Variants in RBBP8 observed in about 807,000 individuals in gnomAD.
RBBP8 encodes DNA endonuclease RBBP8.
Under a neutral mutation model 108.3 loss-of-function variants are expected in RBBP8, and 88 were observed. The observed-to-expected ratio is 0.81, with a 90% CI of 0.68 to 0.97. RBBP8 has a LOEUF of 0.97. Ranked by LOEUF, RBBP8 falls within the 50% of genes least tolerant of loss-of-function variation. The pLI, the probability that RBBP8 is intolerant of heterozygous loss-of-function variation, is 0.00. For missense variants in RBBP8, 1,023 were observed against 1,049.0 expected (o/e 0.98, Z 0.34); for synonymous variants, 332 against 348.2 (o/e 0.95, Z 0.52).
At chr18:23,006,243 C>T (rs1284597984) in intron 15 of RBBP8, 120 bp from the exon 16 acceptor site, 7 of 844,876 alleles carry the variant, frequency 8.3e-6, no homozygotes, top group Admixed American at 6.1e-5. Flanking sequence ...TGCTCAGAGG[C>T]CTGGAGCATG....
chr18:22,997,847 C>T (rs1415721387), intron 14 of RBBP8, 113 bp downstream of exon 14: 11 of 774,332 alleles, frequency 1.4e-5, no homozygotes, highest in African/African-American at 3.5e-5. Context: ...CAGGTTTTTT[C>T]CTGCTCTGTT....
upstream of RBBP8, among the ~76,000 whole-genome samples, chr18:22,930,541 T>TA (rs1909985213): frequency 6.6e-6 from 1 of 152,204 alleles, no homozygotes; most frequent in Non-Finnish European, 1.5e-5. Context: ...ATGTGGTTCT[T>TA]AAAGCTTTAG....
chr18:22,991,442 A>G (rs769490526), intron 10 of RBBP8, among the ~76,000 whole-genome samples: 1 of 152,204 alleles, frequency 6.6e-6, no homozygotes, highest in Non-Finnish European at 1.5e-5. Flanking sequence ...CAGAATACCT[A>G]TTAACTAATA....
At chr18:22,923,604 T>C (rs866190622) in intron 3 of RBBP8, among the ~76,000 whole-genome samples, 2 of 152,334 alleles carry the variant, frequency 1.3e-5, no homozygotes, top group Middle Eastern at 6.8e-3. Flanking sequence ...ATGCAGATAA[T>C]CAGAGATAGG....
chr18:23,006,458 C>G (rs749817907), intron 16 of RBBP8, 26 bp downstream of exon 16: 2 of 1,526,456 alleles, frequency 1.3e-6, no homozygotes, highest in Non-Finnish European at 1.8e-6. Flanking sequence ...TTTATACCAG[C>G]AATGTGACTG....
In RBBP8 at chr18:23,022,654, A is replaced by AAT. The variant is rs1491372101; in HGVS notation, c.2596+385_2596+386insTA. ...AAATAAAATAAATAAAATACAATAT[A>AAT]AAATAAAATAAAATAAATAACTGTA... is the stretch of plus-strand genomic sequence containing the variant. On this transcript the variant is annotated intron_variant, in intron 18 of 18. Coordinates refer to ENST00000327155, the MANE Select transcript of RBBP8 (RefSeq NM_002894.3). Among the ~76,000 whole-genome samples, 26 of 43,442 alleles carry AAT rather than the reference A, an allele frequency of 6.0e-4. 1 individual carries two copies. The highest frequency in any genetic ancestry group is 1.8e-3 in the South Asian group (2 of 1,082). 28.5% of individuals were successfully genotyped at this position (43,442 alleles called of 152,430 possible).
At chr18:22,994,607 A>G (rs888695117) in intron 12 of RBBP8, among the ~76,000 whole-genome samples, 4 of 149,478 alleles carry the variant, frequency 2.7e-5, no homozygotes, top group Non-Finnish European at 5.9e-5. Context: ...GTGCCACTGC[A>G]CTGCACTCCA....
intron 2 of RBBP8, 91 bp downstream of exon 2, chr18:22,937,051 C>G (rs994857382): frequency 6.4e-7 from 1 of 1,565,408 alleles, no homozygotes; most frequent in Non-Finnish European, 8.6e-7. Flanking sequence ...TTTATTATTT[C>G]TATTTCAGCT....
At chr18:23,016,448 G>A (rs1194964979) in intron 16 of RBBP8, among the ~76,000 whole-genome samples, 2 of 152,082 alleles carry the variant, frequency 1.3e-5, no homozygotes, top group African/African-American at 4.8e-5. Flanking sequence ...GAAGGCTGAG[G>A]CACAAGAGTC....
chr18:22,927,115 T>A (rs1250399493), intron 3 of RBBP8, among the ~76,000 whole-genome samples: 1 of 152,216 alleles, frequency 6.6e-6, no homozygotes, highest in Non-Finnish European at 1.5e-5. Flanking sequence ...ACTTTTCTTT[T>A]GTCTTAAAGT....
intron 3 of RBBP8, among the ~76,000 whole-genome samples, chr18:22,923,008 C>T (rs572054681): frequency 2.0e-5 from 3 of 152,262 alleles, no homozygotes; most frequent in African/African-American, 7.2e-5. Context: ...AAATCTTTCA[C>T]AATTTGCCTA....
chr18:22,937,066 G>C lies in RBBP8; in HGVS notation c.109+106G>C, dbSNP rs189666519. The C allele has an allele frequency of 0.02, 31,448 of 1,534,148 alleles. 407 individuals carry two copies. The highest frequency in any genetic ancestry group is 0.025 in the Non-Finnish European group (28,468 of 1,142,876). On this transcript the variant is annotated intron_variant, in intron 2 of 18. Transcript: ENST00000327155. ...TTTATTATTTCTATTTCAGCTTTTA[G>C]GTTCCGGGGGTACATGTGCAGATTT...
At chr18:22,942,313 G>A (rs1911158545) in intron 2 of RBBP8, among the ~76,000 whole-genome samples, 1 of 152,094 alleles carries the variant, frequency 6.6e-6, no homozygotes, top group South Asian at 2.1e-4. Context: ...GAATCTGAAT[G>A]CTCTGCTACA....
In RBBP8 at chr18:23,022,249, A is replaced by T; in HGVS notation, c.2575A>T (p.Thr859Ser). ...TTTTTGGGAAGTTGGTTTTCCTTCC[A>T]CTCAGACTTGTATGGAAAGAGGTGA... The part of the protein sequence containing the change: ...ENFWEVGFPS[T>S]QTCMERGYIK... Residue 859 changes from threonine (T) to serine (S), a missense_variant, in exon 18 of 19, where the codon ACT (threonine) becomes TCT (serine). Transcript: ENST00000327155. The T allele has an allele frequency of 6.2e-7, 1 of 1,611,464 alleles. No homozygotes were observed. Among genetic ancestry groups the T allele is most frequent in the East Asian group, 2.2e-5 (1 of 44,866 alleles).
intron 17 of RBBP8, 122 bp downstream of exon 17, chr18:23,017,046 G>A (rs900338434): frequency 5.7e-5 from 45 of 789,872 alleles, no homozygotes; most frequent in South Asian, 1.0e-4. Context: ...TGAGCCAGGC[G>A]TAACAGCAGG....
chr18:22,942,349 T>C (rs1183221532), intron 2 of RBBP8, among the ~76,000 whole-genome samples: 1 of 152,088 alleles, frequency 6.6e-6, no homozygotes, highest in Admixed American at 6.5e-5. Flanking sequence ...TTTTGCCTCT[T>C]TTGCCAAAAC....
At chr18:22,964,688 G>C (rs1902920) in intron 4 of RBBP8, among the ~76,000 whole-genome samples, 103,994 of 151,276 alleles carry the variant, frequency 0.69, 36,416 homozygotes, top group Middle Eastern at 0.85. Context: ...GACAGGATCT[G>C]ACTATGTTGC....
At chr18:22,985,758 T>A (rs1247308139) in intron 8 of RBBP8, among the ~76,000 whole-genome samples, 1 of 151,840 alleles carries the variant, frequency 6.6e-6, no homozygotes, top group Non-Finnish European at 1.5e-5. Flanking sequence ...GATTCATGAG[T>A]AGATGTGAGT....
At chr18:22,965,229 G>A (rs1046902463) in intron 4 of RBBP8, among the ~76,000 whole-genome samples, 38 of 151,414 alleles carry the variant, frequency 2.5e-4, no homozygotes, top group African/African-American at 9.2e-4. Flanking sequence ...TGTTTGCTAT[G>A]GTTTCTTATA....
Sources: allele counts gnomAD v4.1 joint callset (sites outside exome capture counted in the v4.1 genomes callset), GRCh38; gene constraint gnomAD v4.1.1; transcripts MANE v1.5; gene names NCBI Gene and HGNC (gene_info 2026-07-23, HGNC 2026-07-21).